MTSS2: variants seen among roughly 807,000 people sequenced by gnomAD.
MTSS2 encodes the protein protein MTSS 2.
Under a neutral mutation model 67.1 loss-of-function variants are expected in MTSS2, and 27 were observed. The observed-to-expected ratio is 0.40, with a 90% confidence interval of 0.30 to 0.55. The LOEUF is 0.55. MTSS2 is among the 20% of genes least tolerant of loss of function. The pLI, the probability that MTSS2 is intolerant of heterozygous loss-of-function variation, is 0.43. For missense variants in MTSS2, 1,171 were observed against 1,067.8 expected (o/e 1.10, Z -1.35); for synonymous variants, 624 against 468.6 (o/e 1.33, Z -4.28).
intron 11 of MTSS2, among the ~76,000 whole-genome samples, chr16:70,671,735 C>T (rs1203450973): frequency 6.6e-6 from 1 of 152,202 alleles, no homozygotes; most frequent in African/African-American, 2.4e-5. Context: ...AATAATGACT[C>T]TCCAGTGGAG....
intron 13 of MTSS2, 21 bp downstream of exon 13, chr16:70,664,899 G>T: frequency 6.5e-7 from 1 of 1,529,644 alleles, no homozygotes; most frequent in Non-Finnish European, 8.8e-7. Flanking sequence ...TGGGCGTGAA[G>T]GGGGGCCCTG....
In MTSS2 at chr16:70,661,671, T is replaced by C; in HGVS notation, c.*2006A>G. The C allele has an allele frequency of 3.1e-6, 1 of 321,916 alleles. No individual in the cohort carries two copies. The highest frequency in any genetic ancestry group is 6.0e-6 in the Non-Finnish European group (1 of 166,160). The allele number at this position is 321,916 out of a possible 1,614,324, so 19.9% of individuals were successfully genotyped here. On this transcript the variant is annotated 3_prime_UTR_variant, in exon 15 of 15. Coordinates refer to ENST00000338779, the MANE Select transcript of MTSS2 (RefSeq NM_138383.3). Reference sequence around the variant, plus strand: ...GTGGTCTCAGGGATGGACAAGGGGATGGAGTAGAGTATGTACAGCCCCCGG... The same window carrying C: ...GTGGTCTCAGGGATGGACAAGGGGACGGAGTAGAGTATGTACAGCCCCCGG...
intron 3 of MTSS2, among the ~76,000 whole-genome samples, chr16:70,680,406 C>A (rs1484222617): frequency 2.0e-5 from 3 of 152,190 alleles, no homozygotes; most frequent in Non-Finnish European, 1.5e-5. Flanking sequence ...GCGGGAGCCC[C>A]AGGTCTCTGC....
intron 1 of MTSS2, among the ~76,000 whole-genome samples, chr16:70,683,216 G>A (rs192052842): frequency 1.6e-4 from 25 of 152,342 alleles, no homozygotes; most frequent in African/African-American, 5.8e-4. Context: ...CAGGGAGTGG[G>A]CTTTCCAGGT....
chr16:70,662,367 G>GGC lies in MTSS2; in HGVS notation c.*1309_*1310insGC, dbSNP rs2052515744. ...TACCTGCTGAGACTTGGCGTGACTT[G>GGC]GTGCGTGGGGTGGGGGCAGCCTTGC... On this transcript the variant is annotated 3_prime_UTR_variant, in exon 15 of 15. Transcript: ENST00000338779. 6.6e-6 allele frequency: 1 copy of GGC among 152,260 alleles called. No homozygotes were observed. The highest frequency in any genetic ancestry group is 1.5e-5 in the Non-Finnish European group (1 of 68,120). 9.4% of individuals were successfully genotyped at this position (152,260 alleles called of 1,614,324 possible).
Position 70,665,091 on chromosome 16 carries a change from C to T in MTSS2, c.1134G>A (p.Trp378Ter). Residue 378 changes from tryptophan (W) to a stop codon, truncating the protein, a stop_gained, in exon 13 of 15, where the codon TGG becomes TGA. Transcript: ENST00000338779. LOFTEE classifies it high-confidence loss of function. Reference protein sequence around the residue: ...VSECSSPTSDWSKVGSHEQPS... With the variant: ...VSECSSPTSD ...GCTGCTCATGGGAGCCGACCTTGGA[C>T]CAGTCCTGCAGGGAGGGTGTGGCAG... The T allele has an allele frequency of 6.3e-7, 1 of 1,595,636 alleles. No homozygotes were observed. The highest frequency in any genetic ancestry group is 8.5e-7 in the Non-Finnish European group (1 of 1,178,742).
At position 70,679,997 on chromosome 16, in the gene MTSS2, G is replaced by A. The variant is rs779340693; in HGVS notation, c.264C>T (p.Ile88=). ...LTRMCMRHRS[I]ETKLRQFTNA... is the part of the protein sequence containing the mutation. ...TGGTGAACTGCCGCAGCTTGGTCTC[G>A]ATGCTGCGGTGGCGCATGCACATGC... is the stretch of plus-strand genomic sequence containing the variant. Residue 88 remains isoleucine (I), a synonymous_variant, in exon 4 of 15, where the codon ATC becomes ATT. Transcript: ENST00000338779. 2.6e-6 allele frequency: 4 copies of A among 1,535,566 alleles called. No individual in the cohort carries two copies. The East Asian group carries it at 7.4e-5, about 29-fold the overall frequency.
intron 11 of MTSS2, among the ~76,000 whole-genome samples, chr16:70,670,063 G>A (rs1009630768): frequency 6.6e-6 from 1 of 151,560 alleles, no homozygotes; most frequent in African/African-American, 2.4e-5. Flanking sequence ...CTGAGGTCAG[G>A]AGTTTGAGAC....
intron 6 of MTSS2, 143 bp from the exon 7 acceptor site, chr16:70,679,466 G>T (rs1341060403): frequency 8.8e-6 from 11 of 1,249,692 alleles, no homozygotes; most frequent in South Asian, 1.4e-5. Context: ...GACCAGGTTT[G>T]GGGGGAAGGG....
intron 11 of MTSS2, among the ~76,000 whole-genome samples, chr16:70,669,708 T>G (rs545659129): frequency 6.6e-5 from 10 of 151,468 alleles, no homozygotes; most frequent in Admixed American, 1.3e-4. Flanking sequence ...TCCCAGCTAC[T>G]CGGGAGGCTG....
At chr16:70,681,076 G>A in intron 1 of MTSS2, 51 bp from the exon 2 acceptor site, 6 of 1,546,016 alleles carry the variant, frequency 3.9e-6, no homozygotes, top group Non-Finnish European at 5.3e-6. Flanking sequence ...TGGTTGCAGG[G>A]CTTGACCTGG....
intron 1 of MTSS2, 37 bp downstream of exon 1, chr16:70,685,686 C>A: frequency 8.1e-7 from 1 of 1,236,218 alleles, no homozygotes; most frequent in South Asian, 2.0e-5. Flanking sequence ...GTCCCGCACC[C>A]GTCGCCGCGC....
intron 1 of MTSS2, among the ~76,000 whole-genome samples, chr16:70,681,563 G>C (rs2053305978): frequency 6.6e-6 from 1 of 152,260 alleles, no homozygotes; most frequent in Non-Finnish European, 1.5e-5. Context: ...GCCATCCCAG[G>C]CCAGCAGCAG....
rs1023226191 is a variant in MTSS2 at position 70,664,591 on chromosome 16, G to A, written c.1471+7C>T. The A allele has an allele frequency of 4.3e-6, 7 of 1,610,740 alleles. No individual in the cohort carries two copies. The African/African-American group carries it at 5.3e-5, about 12-fold the overall frequency. ...TCCCTGGTCCCACCCCAGCCCCGCG[G>A]GCCTGCCTTGGGAGGGGATGGTGTC... On this transcript the variant is annotated splice_region_variant and intron_variant, in intron 14 of 14. Coordinates refer to ENST00000338779, the MANE Select transcript of MTSS2 (RefSeq NM_138383.3).
Position 70,664,100 on chromosome 16 carries a change from G to A in MTSS2, c.1821C>T (p.Pro607=). 1.2e-6 allele frequency: 2 copies of A among 1,611,970 alleles called. No homozygotes were observed. Among genetic ancestry groups the A allele is most frequent in the Non-Finnish European group, 1.7e-6 (2 of 1,179,682 alleles). The change falls in exon 15 of 15, where the codon CCC becomes CCT. Residue 607 remains proline (P), a synonymous_variant. Coordinates refer to ENST00000338779, the MANE Select transcript of MTSS2 (RefSeq NM_138383.3). ...CGCACTCCTCACTGCCCGCCCGTGT[G>A]GGCCCCATGTAGCCGGGGGAGTCAG... ...TVPDSPGYMG[P]TRAGSEECVF... is the part of the protein sequence containing the mutation.
At chr16:70,684,124 G>GCTGCTCT (rs1259150524) in intron 1 of MTSS2, among the ~76,000 whole-genome samples, 2 of 152,194 alleles carry the variant, frequency 1.3e-5, no homozygotes, top group Admixed American at 6.5e-5. Flanking sequence ...AGCAAAATCT[G>GCTGCTCT]CTGCTCTCTG....
At chr16:70,680,378 C>T (rs1597826108) in intron 3 of MTSS2, among the ~76,000 whole-genome samples, 1 of 152,278 alleles carries the variant, frequency 6.6e-6, no homozygotes, top group African/African-American at 2.4e-5. Context: ...AGTGTGAGCA[C>T]GCCCAGGGCC....
rs957932863 is a variant in MTSS2 at position 70,663,566 on chromosome 16, G to A, written c.*111C>T. ...CTTTCCATAAAGTGGCATGGCCTCT[G>A]CCCTGGCTCTGTCCTCTCTCCTGGC... is the stretch of plus-strand genomic sequence containing the variant. On this transcript the variant is annotated 3_prime_UTR_variant, in exon 15 of 15. Transcript: ENST00000338779. The A allele has an allele frequency of 1.4e-6, 2 of 1,436,506 alleles. No individual in the cohort carries two copies. Among genetic ancestry groups the A allele is most frequent in the Non-Finnish European group, 9.1e-7 (1 of 1,094,862 alleles). 89.0% of individuals were successfully genotyped at this position (1,436,506 alleles called of 1,614,324 possible). A position where few individuals can be genotyped will look rare whatever the true frequency, so the allele number is the denominator to read the frequency against.
chr16:70,681,292 G>T (rs756039632), intron 1 of MTSS2, among the ~76,000 whole-genome samples: 2 of 152,234 alleles, frequency 1.3e-5, no homozygotes, highest in Non-Finnish European at 2.9e-5. Context: ...ACAGGCTACA[G>T]GGGGCTCACA....
Sources: gnomAD v4.1 joint callset for allele counts (sites outside exome capture counted in the v4.1 genomes callset) on GRCh38, gnomAD v4.1.1 for gene constraint, MANE v1.5 for transcripts, NCBI Gene and HGNC (gene_info 2026-07-23, HGNC 2026-07-21) for gene names.